The following PREX2 variants were observed in gnomAD, a reference collection of about 807,000 sequenced individuals.
The protein encoded by PREX2 is phosphatidylinositol-3,4,5-trisphosphate dependent Rac exchange factor 2.
A neutral mutation model predicts 203.2 loss-of-function variants in PREX2; 107 were observed. That is an observed-to-expected ratio of 0.53 (90% CI 0.45 to 0.62). PREX2 has a LOEUF of 0.62. PREX2 is among the 20% of genes least tolerant of loss of function. PREX2 has a pLI of 0.00. For missense variants in PREX2, 1,777 were observed against 1,955.9 expected (o/e 0.91, Z 1.72); for synonymous variants, 672 against 663.6 (o/e 1.01, Z -0.19).
intron 37 of PREX2, among the ~76,000 whole-genome samples, chr8:68,215,745 A>G (rs987169699): frequency 6.6e-6 from 1 of 151,880 alleles, no homozygotes; most frequent in Admixed American, 6.6e-5. Context: ...CACCGTGTTA[A>G]CCAGGATGGT....
At chr8:68,207,608 T>G (rs1812656358) in intron 37 of PREX2, among the ~76,000 whole-genome samples, 1 of 152,128 alleles carries the variant, frequency 6.6e-6, no homozygotes, top group Non-Finnish European at 1.5e-5. Flanking sequence ...TGAACGTTTA[T>G]TGAGAATAAA....
chr8:68,095,900 C>T (rs1810055908), intron 21 of PREX2, among the ~76,000 whole-genome samples: 1 of 152,036 alleles, frequency 6.6e-6, no homozygotes, highest in African/African-American at 2.4e-5. Context: ...ATTTGGCCTC[C>T]CTGACTGTTG....
In PREX2 at chr8:68,139,168, G is replaced by A. The variant is rs571228654; in HGVS notation, c.4087+651G>A. 3.3e-5 allele frequency among the ~76,000 whole-genome samples: 5 copies of A among 152,228 alleles called. No homozygotes were observed. The East Asian group carries it at 9.6e-4, about 29-fold the overall frequency. ...AAATAATTTTATAATAAATTAGAAGGCAATTATGTGAAAGATATATAGGGA... is the reference window on the plus strand; with the variant it reads ...AAATAATTTTATAATAAATTAGAAGACAATTATGTGAAAGATATATAGGGA... On this transcript the variant is annotated intron_variant, in intron 33 of 39. Coordinates refer to ENST00000288368, the MANE Select transcript of PREX2 (RefSeq NM_024870.4).
intron 24 of PREX2, 136 bp from the exon 25 acceptor site, chr8:68,109,280 G>C: frequency 1.6e-6 from 1 of 643,832 alleles, no homozygotes; most frequent in Admixed American, 3.0e-5. Context: ...GCATATATAC[G>C]TCAAAACATC....
intron 1 of PREX2, among the ~76,000 whole-genome samples, chr8:67,959,377 C>A (rs555830506): frequency 6.6e-6 from 1 of 152,136 alleles, no homozygotes; most frequent in African/African-American, 2.4e-5. Context: ...CGAGTGGAAG[C>A]TGAGGATGTG....
At chr8:68,114,188 A>G (rs1810595636) in intron 25 of PREX2, 3 of 362,730 alleles carry the variant, frequency 8.3e-6, no homozygotes, top group South Asian at 6.3e-5. Context: ...AAACTACTAT[A>G]TCCACAGCAC....
chr8:68,055,991 G>C lies in PREX2; in HGVS notation c.1238+17G>C. 6.3e-7 allele frequency: 1 copy of C among 1,597,400 alleles called. No individual in the cohort carries two copies. The highest frequency in any genetic ancestry group is 1.1e-5 in the South Asian group (1 of 87,740). On this transcript the variant is annotated intron_variant, in intron 10 of 39. Transcript: ENST00000288368. ...TCTTGGAAGGTAGGGTTGGGAGTTT[G>C]GGTGCATGACTTTCTTTTACATTCT...
chr8:68,070,118 C>G (rs1585756929), intron 13 of PREX2, among the ~76,000 whole-genome samples: 1 of 151,370 alleles, frequency 6.6e-6, no homozygotes, highest in Non-Finnish European at 1.5e-5. Context: ...GCCATTAGTT[C>G]ATAGTAAATT....
intron 21 of PREX2, among the ~76,000 whole-genome samples, chr8:68,096,810 G>A (rs1031902820): frequency 3.9e-5 from 6 of 152,146 alleles, no homozygotes; most frequent in African/African-American, 1.2e-4. Flanking sequence ...TCATGTTAGA[G>A]TGCTGAGGTT....
At chr8:68,171,271 GT>G (rs1309182882) in intron 35 of PREX2, among the ~76,000 whole-genome samples, 2 of 152,154 alleles carry the variant, frequency 1.3e-5, no homozygotes, top group Admixed American at 6.5e-5. Context: ...TTTAAAGAAA[GT>G]TTTAAAAGCC....
At chr8:68,091,566 A>G (rs1022648769) in intron 20 of PREX2, among the ~76,000 whole-genome samples, 1 of 152,198 alleles carries the variant, frequency 6.6e-6, no homozygotes, top group Non-Finnish European at 1.5e-5. Flanking sequence ...GGCCTGCAAA[A>G]TGCTGAATCT....
intron 9 of PREX2, 23 bp from the exon 10 acceptor site, chr8:68,055,807 C>T: frequency 1.2e-6 from 2 of 1,603,868 alleles, no homozygotes; most frequent in Non-Finnish European, 1.7e-6. Flanking sequence ...TCAGTTACCT[C>T]TCCTTTCTTT....
intron 34 of PREX2, among the ~76,000 whole-genome samples, chr8:68,146,936 C>T (rs898163937): frequency 2.6e-5 from 4 of 152,080 alleles, no homozygotes; most frequent in Admixed American, 2.0e-4. Context: ...TTAGCATGAG[C>T]AAGAAAATTC....
intron 1 of PREX2, among the ~76,000 whole-genome samples, chr8:67,977,943 G>A (rs781352345): frequency 5.3e-5 from 8 of 152,056 alleles, no homozygotes; most frequent in Non-Finnish European, 1.0e-4. Context: ...ATAAGAAATC[G>A]GTAAGCGTAG....
intron 35 of PREX2, among the ~76,000 whole-genome samples, chr8:68,166,337 A>C (rs1386463334): frequency 6.6e-6 from 1 of 152,178 alleles, no homozygotes; most frequent in Non-Finnish European, 1.5e-5. Context: ...CGGGGGAGTC[A>C]CTCTGAAATC....
chr8:68,224,292 C>G (rs915624455), intron 38 of PREX2, among the ~76,000 whole-genome samples: 3 of 152,182 alleles, frequency 2.0e-5, no homozygotes, highest in Non-Finnish European at 4.4e-5. Flanking sequence ...ACTGGAATTA[C>G]AGGCATGAGC....
intron 8 of PREX2, among the ~76,000 whole-genome samples, chr8:68,046,083 A>G (rs1479913650): frequency 6.6e-6 from 1 of 152,040 alleles, no homozygotes; most frequent in Non-Finnish European, 1.5e-5. Flanking sequence ...GATTACCCAT[A>G]ATGGGACCAT....
At chr8:67,985,883 G>C (rs375159316) in intron 1 of PREX2, among the ~76,000 whole-genome samples, 4 of 152,182 alleles carry the variant, frequency 2.6e-5, no homozygotes, top group African/African-American at 9.6e-5. Flanking sequence ...GCTATCCAGA[G>C]TGGTGTCCCT....
chr8:68,103,400 G>A (rs930651650), intron 23 of PREX2, among the ~76,000 whole-genome samples: 4 of 152,194 alleles, frequency 2.6e-5, no homozygotes, highest in Non-Finnish European at 5.9e-5. Context: ...AAAATGTGCT[G>A]CTATAGTCAA....
Sources: allele counts gnomAD v4.1 joint callset (sites outside exome capture counted in the v4.1 genomes callset), GRCh38; gene constraint gnomAD v4.1.1; transcripts MANE v1.5; gene names NCBI Gene and HGNC (gene_info 2026-07-23, HGNC 2026-07-21).